The following GPATCH2 variants were observed in gnomAD, a reference collection of about 807,000 sequenced individuals.
GPATCH2 encodes the protein G patch domain-containing protein 2.
In GPATCH2, 51 loss-of-function variants were observed where a neutral mutation model predicts 58.0. That is an observed-to-expected ratio of 0.88 (90% CI 0.70 to 1.11). The LOEUF (loss-of-function observed/expected upper bound fraction) is 1.11. Ranked by LOEUF, GPATCH2 falls within the 50% of genes most tolerant of loss-of-function variation. The probability of loss-of-function intolerance (pLI) is 0.00; values close to 1 mark genes in which losing one functional copy is unlikely to be tolerated. For synonymous variants in GPATCH2, 222 were observed against 218.5 expected (o/e 1.02, Z -0.14); for missense variants, 625 against 652.2 (o/e 0.96, Z 0.45).
chr1:217,562,446 G>A (rs1489592749), intron 5 of GPATCH2, among the ~76,000 whole-genome samples: 1 of 152,122 alleles, frequency 6.6e-6, no homozygotes, highest in Admixed American at 6.6e-5. Context: ...GGAATCAAGG[G>A]CTTCATGGAA....
At chr1:217,446,114 C>T (rs1287937070) in intron 9 of GPATCH2, among the ~76,000 whole-genome samples, 2 of 152,070 alleles carry the variant, frequency 1.3e-5, no homozygotes, top group Non-Finnish European at 2.9e-5. Context: ...GATTATCAAA[C>T]AATACTCAAG....
intron 5 of GPATCH2, among the ~76,000 whole-genome samples, chr1:217,570,698 A>G (rs1666493877): frequency 6.6e-6 from 1 of 152,194 alleles, no homozygotes. Context: ...ATATTATTAA[A>G]CAGTTTATGA....
At position 217,631,014 on chromosome 1, in the gene GPATCH2, A is replaced by G. The variant is rs751469141; in HGVS notation, c.-43T>C. The stretch of plus-strand genomic sequence containing the variant: ...CTGGCCTCGAAGCTCAGGCCCGTGA[A>G]CAGACTCCAACTACAACAGCACCGG... On this transcript the variant is annotated 5_prime_UTR_variant, in exon 1 of 10. Transcript: ENST00000366935. 3.9e-6 allele frequency: 6 copies of G among 1,535,542 alleles called. No homozygotes were observed. In the South Asian group the frequency reaches 7.0e-5, roughly 18 times the overall value.
In GPATCH2 at chr1:217,491,734, T is replaced by G; in HGVS notation, c.1223A>C (p.Asp408Ala). ...CTTGTGTCCTCTTTCAGCTCGATTATCTCTCAGAAGCTGATGCTACACAAA... is the reference window on the plus strand; with the variant it reads ...CTTGTGTCCTCTTTCAGCTCGATTAGCTCTCAGAAGCTGATGCTACACAAA... Reference protein sequence around the residue: ...TEHDQHQLLRDNRAERGHKKN... With the variant: ...TEHDQHQLLRANRAERGHKKN... Residue 408 changes from aspartate to alanine, a missense_variant, in exon 8 of 10, where the codon GAT becomes GCT. Coordinates refer to ENST00000366935, the MANE Select transcript of GPATCH2 (RefSeq NM_018040.5). The G allele has an allele frequency of 6.9e-7, 1 of 1,447,380 alleles. No individual in the cohort carries two copies. Among genetic ancestry groups the G allele is most frequent in the Non-Finnish European group, 9.6e-7 (1 of 1,040,390 alleles). The allele number at this position is 1,447,380 out of a possible 1,614,324, so 89.7% of individuals were successfully genotyped here.
intron 8 of GPATCH2, among the ~76,000 whole-genome samples, chr1:217,450,535 T>A (rs1323103771): frequency 6.6e-6 from 1 of 152,122 alleles, no homozygotes; most frequent in Non-Finnish European, 1.5e-5. Flanking sequence ...AAGGGCCACA[T>A]GCAGTCAAAA....
chr1:217,444,426 A>G (rs1659289168), intron 9 of GPATCH2, among the ~76,000 whole-genome samples: 1 of 152,194 alleles, frequency 6.6e-6, no homozygotes, highest in African/African-American at 2.4e-5. Flanking sequence ...AGTCTCAGCT[A>G]TCTTTGTAAA....
chr1:217,464,687 GA>G (rs1660360494), intron 8 of GPATCH2, among the ~76,000 whole-genome samples: 1 of 152,168 alleles, frequency 6.6e-6, no homozygotes, highest in Non-Finnish European at 1.5e-5. Flanking sequence ...TAAAAATATT[GA>G]GAGGAATACA....
chr1:217,473,163 T>C (rs952968160), intron 8 of GPATCH2, among the ~76,000 whole-genome samples: 1 of 152,152 alleles, frequency 6.6e-6, no homozygotes, highest in East Asian at 1.9e-4. Context: ...ATGAGTGTGT[T>C]CTGCCTTAGT....
intron 1 of GPATCH2, among the ~76,000 whole-genome samples, chr1:217,622,637 G>T (rs553174078): frequency 2.0e-4 from 30 of 152,246 alleles, no homozygotes; most frequent in Non-Finnish European, 3.8e-4. Flanking sequence ...TCTGCCTCCC[G>T]GGTTCAAGTG....
At position 217,518,062 on chromosome 1, in the gene GPATCH2, C is replaced by T. The variant is rs530452646; in HGVS notation, c.1099-3173G>A. ...TTGTTAAATATTACTATATAAATAA[C>T]GACTACAATCTGAAATAAAGCAGAT... On this transcript the variant is annotated intron_variant, in intron 5 of 9. Transcript: ENST00000366935. Among the ~76,000 whole-genome samples, 7 of 152,032 alleles carry T rather than the reference C, an allele frequency of 4.6e-5. No homozygotes were observed. The East Asian group carries it at 9.6e-4, about 21-fold the overall frequency.
intron 6 of GPATCH2, among the ~76,000 whole-genome samples, chr1:217,499,790 A>T (rs1571813589): frequency 6.6e-6 from 1 of 151,734 alleles, no homozygotes; most frequent in East Asian, 1.9e-4. Flanking sequence ...CGCACAGTTT[A>T]AAAGAAAAAA....
chr1:217,577,682 A>G (rs1161046908), intron 5 of GPATCH2, among the ~76,000 whole-genome samples: 1 of 152,136 alleles, frequency 6.6e-6, no homozygotes, highest in East Asian at 1.9e-4. Context: ...GAAACCCATA[A>G]AAGTATTGGT....
intron 5 of GPATCH2, among the ~76,000 whole-genome samples, chr1:217,581,680 C>T (rs1005166176): frequency 7.2e-5 from 11 of 152,192 alleles, no homozygotes; most frequent in South Asian, 4.1e-4. Flanking sequence ...AGGCCAGGTG[C>T]GGTGGCTCTT....
At chr1:217,450,999 A>G (rs1392111269) in intron 8 of GPATCH2, among the ~76,000 whole-genome samples, 1 of 152,236 alleles carries the variant, frequency 6.6e-6, no homozygotes, top group Admixed American at 6.5e-5. Context: ...GGGGAGGGGG[A>G]AAAGAGAAGA....
At chr1:217,580,392 T>C (rs1264600539) in intron 5 of GPATCH2, among the ~76,000 whole-genome samples, 3 of 152,170 alleles carry the variant, frequency 2.0e-5, no homozygotes. Flanking sequence ...TAAGCTAACC[T>C]TTCAACTTAC....
chr1:217,542,500 T>C (rs557793468), intron 5 of GPATCH2, among the ~76,000 whole-genome samples: 34 of 152,170 alleles, frequency 2.2e-4, no homozygotes, highest in Non-Finnish European at 4.0e-4. Context: ...ATTCCAGAGA[T>C]AAGATATAAG....
At chr1:217,495,245 T>C (rs1245188091) in intron 7 of GPATCH2, among the ~76,000 whole-genome samples, 1 of 152,132 alleles carries the variant, frequency 6.6e-6, no homozygotes, top group East Asian at 1.9e-4. Flanking sequence ...TCTGTGGCTA[T>C]TCATGACATT....
intron 5 of GPATCH2, among the ~76,000 whole-genome samples, chr1:217,550,593 A>T (rs1032172058): frequency 2.0e-5 from 3 of 151,704 alleles, no homozygotes; most frequent in African/African-American, 7.3e-5. Context: ...TAGTTGGTTT[A>T]AAAAAAAGAC....
intron 3 of GPATCH2, among the ~76,000 whole-genome samples, chr1:217,612,036 C>G (rs1281687468): frequency 1.3e-5 from 2 of 151,804 alleles, no homozygotes; most frequent in Non-Finnish European, 2.9e-5. Flanking sequence ...AAAAATTAGC[C>G]GGGCATGATG....
Sources: allele counts gnomAD v4.1 joint callset (sites outside exome capture counted in the v4.1 genomes callset), GRCh38; gene constraint gnomAD v4.1.1; transcripts MANE v1.5; gene names NCBI Gene and HGNC (gene_info 2026-07-23, HGNC 2026-07-21).